Variants in NT5DC1 observed in about 807,000 individuals in gnomAD.
NT5DC1 encodes the protein 5'-nucleotidase domain containing 1.
A neutral mutation model predicts 59.4 loss-of-function variants in NT5DC1; 42 were observed. The observed-to-expected ratio is 0.71, with a 90% confidence interval of 0.55 to 0.92. The LOEUF (loss-of-function observed/expected upper bound fraction) is 0.92, where lower values mean the gene tolerates loss of function less well. NT5DC1 is among the 40% of genes least tolerant of loss of function. The probability of loss-of-function intolerance (pLI) is 0.00; values close to 1 mark genes in which losing one functional copy is unlikely to be tolerated. For missense variants in NT5DC1, 501 were observed against 537.1 expected (o/e 0.93, Z 0.66); for synonymous variants, 172 against 188.1 (o/e 0.91, Z 0.70).
At chr6:116,180,787 A>G (rs566053600) in intron 6 of NT5DC1, among the ~76,000 whole-genome samples, 9 of 152,060 alleles carry the variant, frequency 5.9e-5, no homozygotes, top group Non-Finnish European at 1.3e-4. Context: ...GAATAAATGG[A>G]AAGAAAAAAG....
chr6:116,191,585 C>T (rs1781117807), intron 6 of NT5DC1, among the ~76,000 whole-genome samples: 1 of 151,978 alleles, frequency 6.6e-6, no homozygotes, highest in African/African-American at 2.4e-5. Context: ...ATCTTTTCTC[C>T]TCAAGGTACG....
At chr6:116,239,155 T>G in intron 11 of NT5DC1, 32 bp downstream of exon 11, 2 of 1,494,180 alleles carry the variant, frequency 1.3e-6, no homozygotes, top group Non-Finnish European at 1.9e-6. Flanking sequence ...AAGCTTCACC[T>G]GTTACTAGAC....
At chr6:116,234,598 C>A (rs1383961605) in intron 8 of NT5DC1, among the ~76,000 whole-genome samples, 1 of 152,130 alleles carries the variant, frequency 6.6e-6, no homozygotes, top group Non-Finnish European at 1.5e-5. Context: ...GCCTCAGACT[C>A]CCAAAGTGTT....
chr6:116,107,230 G>A (rs1778783591), intron 2 of NT5DC1, among the ~76,000 whole-genome samples: 1 of 146,596 alleles, frequency 6.8e-6, no homozygotes, highest in Admixed American at 6.8e-5. Flanking sequence ...ACATTATGTT[G>A]ATCTAGTATG....
rs1771802411 is a variant in NT5DC1 at position 116,244,562 on chromosome 6, CGTT to C, written c.*542_*544del. On this transcript the variant is annotated 3_prime_UTR_variant, in exon 12 of 12. Transcript: ENST00000319550. ...ATTGGTCTGGGTAAATATGGCTGAG[CGTT>C]GTTATCTTTTGTTATCTTTTATATG... The C allele has an allele frequency of 6.6e-6, 1 of 152,004 alleles. No individual in the cohort carries two copies. The highest frequency in any genetic ancestry group is 2.4e-5 in the African/African-American group (1 of 41,352). The allele number at this position is 152,004 out of a possible 1,614,324, so 9.4% of individuals were successfully genotyped here.
chr6:116,240,631 G>C (rs756446191), intron 11 of NT5DC1, among the ~76,000 whole-genome samples: 3 of 152,004 alleles, frequency 2.0e-5, no homozygotes, highest in Non-Finnish European at 4.4e-5. Context: ...GAAACAAAAT[G>C]AAGAAAAAAT....
rs531544379 is a variant in NT5DC1, at chr6:116,177,914, T to A, written c.530-43140T>A. Among the ~76,000 whole-genome samples the A allele has an allele frequency of 2.0e-5, 3 of 152,292 alleles. No homozygotes were observed. The South Asian group carries it at 6.2e-4, about 32-fold the overall frequency. ...ACTTTTTGCTGTACTTTTGCTAGAA[T>A]ACATTTAACTCCTTAGAGATTGGAG... On this transcript the variant is annotated intron_variant, in intron 6 of 11. Coordinates refer to ENST00000319550, the MANE Select transcript of NT5DC1 (RefSeq NM_152729.3).
At chr6:116,127,752 C>A (rs1779358280) in intron 6 of NT5DC1, among the ~76,000 whole-genome samples, 1 of 152,122 alleles carries the variant, frequency 6.6e-6, no homozygotes, top group African/African-American at 2.4e-5. Flanking sequence ...TACACATGCA[C>A]ACACATACTG....
chr6:116,144,097 G>A (rs2114374569), intron 6 of NT5DC1, among the ~76,000 whole-genome samples: 1 of 152,194 alleles, frequency 6.6e-6, no homozygotes, highest in African/African-American at 2.4e-5. Flanking sequence ...TCATGTATTG[G>A]TGGTGTCGGG....
intron 6 of NT5DC1, among the ~76,000 whole-genome samples, chr6:116,169,890 G>A (rs1347396709): frequency 2.6e-5 from 4 of 152,188 alleles, no homozygotes; most frequent in Non-Finnish European, 4.4e-5. Flanking sequence ...AGTTCTTAGG[G>A]CAGAAGAGGA....
At chr6:116,186,459 C>G (rs2114483798) in intron 6 of NT5DC1, among the ~76,000 whole-genome samples, 1 of 152,070 alleles carries the variant, frequency 6.6e-6, no homozygotes, top group African/African-American at 2.4e-5. Flanking sequence ...TCGATTATTC[C>G]CTCAAACATG....
chr6:116,102,014 G>A (rs1582801170), intron 1 of NT5DC1, among the ~76,000 whole-genome samples: 4 of 152,202 alleles, frequency 2.6e-5, no homozygotes. Flanking sequence ...CTGTAAAATG[G>A]AGCTAATAAT....
chr6:116,104,063 T>A (rs191136157), intron 1 of NT5DC1, among the ~76,000 whole-genome samples: 6 of 152,226 alleles, frequency 3.9e-5, no homozygotes, highest in Admixed American at 3.9e-4. Context: ...CCTGAGAGAC[T>A]GTGAGGTGGT....
At chr6:116,133,896 C>G (rs2114339097) in intron 6 of NT5DC1, among the ~76,000 whole-genome samples, 1 of 152,282 alleles carries the variant, frequency 6.6e-6, no homozygotes, top group Non-Finnish European at 1.5e-5. Flanking sequence ...AATGTATATA[C>G]TATAGAGATA....
chr6:116,195,613 A>G (rs1781206216), intron 6 of NT5DC1, among the ~76,000 whole-genome samples: 1 of 152,038 alleles, frequency 6.6e-6, no homozygotes, highest in Non-Finnish European at 1.5e-5. Context: ...TCAAATGTAC[A>G]TAATCAGGGG....
intron 8 of NT5DC1, among the ~76,000 whole-genome samples, chr6:116,235,604 T>C (rs1330970567): frequency 6.6e-6 from 1 of 152,240 alleles, no homozygotes; most frequent in African/African-American, 2.4e-5. Flanking sequence ...ATTTGACTCA[T>C]TTTTGTAGTA....
intron 8 of NT5DC1, among the ~76,000 whole-genome samples, chr6:116,224,753 G>A (rs548990542): frequency 6.6e-6 from 1 of 152,372 alleles, no homozygotes; most frequent in Non-Finnish European, 1.5e-5. Flanking sequence ...ATAAGCGGTG[G>A]AAAGGGGTTT....
chr6:116,133,983 T>G (rs898663551), intron 6 of NT5DC1, among the ~76,000 whole-genome samples: 3 of 152,236 alleles, frequency 2.0e-5, no homozygotes, highest in Admixed American at 6.5e-5. Flanking sequence ...TAATAACTTA[T>G]GAGTCAAAAA....
At chr6:116,211,988 A>G (rs1464343419) in intron 6 of NT5DC1, among the ~76,000 whole-genome samples, 1 of 152,106 alleles carries the variant, frequency 6.6e-6, no homozygotes, top group Non-Finnish European at 1.5e-5. Context: ...ATAAGAACCC[A>G]GGCTTAGGGC....
Sources: allele counts gnomAD v4.1 joint callset (sites outside exome capture counted in the v4.1 genomes callset), GRCh38; gene constraint gnomAD v4.1.1; transcripts MANE v1.5; gene names NCBI Gene and HGNC (gene_info 2026-07-23, HGNC 2026-07-21).